The following CLDN11 variants were observed in gnomAD, a reference collection of about 807,000 sequenced individuals.
CLDN11 encodes claudin 11, also known as claudin-11.
Under a neutral mutation model 18.0 loss-of-function variants are expected in CLDN11, and 1 was observed. The observed-to-expected ratio is 0.06, with a 90% CI of 0.02 to 0.26. The LOEUF (loss-of-function observed/expected upper bound fraction) is 0.26, where lower values mean the gene tolerates loss of function less well. CLDN11 is among the 10% of genes least tolerant of loss of function. The probability of loss-of-function intolerance (pLI) is 1.00; values close to 1 mark genes in which losing one functional copy is unlikely to be tolerated. For synonymous variants in CLDN11, 116 were observed against 121.5 expected (o/e 0.96, Z 0.30); for missense variants, 172 against 276.6 (o/e 0.62, Z 2.68).
chr3:170,432,799 C>A lies in CLDN11; in HGVS notation c.*43C>A. The A allele has an allele frequency of 6.3e-7, 1 of 1,578,864 alleles. No homozygotes were observed. Among genetic ancestry groups the A allele is most frequent in the Non-Finnish European group, 8.7e-7 (1 of 1,148,082 alleles). On this transcript the variant is annotated 3_prime_UTR_variant, in exon 3 of 3. Coordinates refer to ENST00000064724, the MANE Select transcript of CLDN11 (RefSeq NM_005602.6). ...CCACAGAGGTGCTGTAGATGCTGGG[C>A]CCAGGGCCCTAGGTTTGCTCGTCAC... is the stretch of plus-strand genomic sequence containing the variant.
intron 2 of CLDN11, 130 bp from the exon 3 acceptor site, chr3:170,432,394 G>T: frequency 6.7e-7 from 1 of 1,486,292 alleles, no homozygotes; most frequent in South Asian, 1.3e-5. Flanking sequence ...TGAGGGAGCA[G>T]AACTGTGTGT....
chr3:170,421,639 A>G (rs1738727683), intron 1 of CLDN11, among the ~76,000 whole-genome samples: 1 of 152,186 alleles, frequency 6.6e-6, no homozygotes, highest in African/African-American at 2.4e-5. Context: ...TGCCTCACCC[A>G]GGCCACTAGT....
Position 170,432,915 on chromosome 3 carries a change from C to A in CLDN11, c.*159C>A. The A allele has an allele frequency of 1.5e-6, 1 of 646,328 alleles. No homozygotes were observed. Among genetic ancestry groups the A allele is most frequent in the Non-Finnish European group, 2.7e-6 (1 of 375,598 alleles). 40.0% of individuals were successfully genotyped at this position (646,328 alleles called of 1,614,324 possible). On this transcript the variant is annotated 3_prime_UTR_variant, in exon 3 of 3. Coordinates refer to ENST00000064724, the MANE Select transcript of CLDN11 (RefSeq NM_005602.6). ...GCATTTTGTAGTCTTAACTTCTCCC[C>A]ATTTCCCCCATCTTTTGGTTGCCTT...
intron 2 of CLDN11, chr3:170,423,543 A>G (rs1271167627): frequency 3.7e-6 from 2 of 543,992 alleles, no homozygotes; most frequent in Non-Finnish European, 6.5e-6. Flanking sequence ...CCATGAAGAT[A>G]AGTTTAAAAA....
Position 170,433,382 on chromosome 3 carries a change from C to T in CLDN11, c.*626C>T, listed in dbSNP as rs1739058227. 1 of 152,070 alleles carries T rather than the reference C, an allele frequency of 6.6e-6. No individual in the cohort carries two copies. Among genetic ancestry groups the T allele is most frequent in the Non-Finnish European group, 1.5e-5 (1 of 68,110 alleles). 9.4% of individuals were successfully genotyped at this position (152,070 alleles called of 1,614,324 possible). On this transcript the variant is annotated 3_prime_UTR_variant, in exon 3 of 3. Transcript: ENST00000064724. ...TCTCGAACTCCTGGACTCAAAGTATCCTCCCGCCTCGGCCTCCCAAAGTGT... is the reference window on the plus strand; with the variant it reads ...TCTCGAACTCCTGGACTCAAAGTATTCTCCCGCCTCGGCCTCCCAAAGTGT...
At chr3:170,429,664 A>G (rs1738948767) in intron 2 of CLDN11, among the ~76,000 whole-genome samples, 1 of 152,142 alleles carries the variant, frequency 6.6e-6, no homozygotes, top group Admixed American at 6.5e-5. Context: ...CAAAACCAAG[A>G]CTGATGGTTA....
intron 1 of CLDN11, among the ~76,000 whole-genome samples, chr3:170,420,053 A>G (rs1738686881): frequency 6.6e-6 from 1 of 152,304 alleles, no homozygotes; most frequent in African/African-American, 2.4e-5. Flanking sequence ...CACTGGGGAG[A>G]TACGGAGCGC....
chr3:170,425,147 C>G (rs965509251), intron 2 of CLDN11, among the ~76,000 whole-genome samples: 7 of 152,140 alleles, frequency 4.6e-5, no homozygotes. Flanking sequence ...GACTCCCTTT[C>G]CAACAGGAAA....
At chr3:170,421,380 G>GT (rs1738721178) in intron 1 of CLDN11, 2 of 777,274 alleles carry the variant, frequency 2.6e-6, no homozygotes, top group Non-Finnish European at 3.1e-6. Context: ...GGACGGCTGG[G>GT]TCAGGGGATG....
rs1477238600 is a variant in CLDN11 at position 170,419,093 on chromosome 3, G to A, written c.27G>A (p.Val9=). Residue 9 remains valine, a synonymous_variant, in exon 1 of 3, where the codon GTG becomes GTA. Transcript: ENST00000064724. The surrounding 1 kb of genome is among the most constrained non-coding windows in gnomAD (Gnocchi z 8.6). ...TGGTGGCCACGTGCCTGCAGGTGGTGGGCTTCGTCACGAGCTTCGTGGGCT... is the reference window on the plus strand; with the variant it reads ...TGGTGGCCACGTGCCTGCAGGTGGTAGGCTTCGTCACGAGCTTCGTGGGCT... MVATCLQV[V]GFVTSFVGWI... The A allele has an allele frequency of 1.3e-6, 2 of 1,551,042 alleles. No individual in the cohort carries two copies. The highest frequency in any genetic ancestry group is 1.7e-6 in the Non-Finnish European group (2 of 1,147,008).
At position 170,428,051 on chromosome 3, in the gene CLDN11, G is replaced by A. The variant is rs145654004; in HGVS notation, c.392-4473G>A. ...GTGCACCTGTGATTCCAGCTACTTG[G>A]GAGGCTGAGGATTGATGCTCGGGAG... On this transcript the variant is annotated intron_variant, in intron 2 of 2. Coordinates refer to ENST00000064724, the MANE Select transcript of CLDN11 (RefSeq NM_005602.6). Among the ~76,000 whole-genome samples the A allele has an allele frequency of 3.2e-3, 489 of 151,666 alleles. 4 individuals are homozygous for A. The highest frequency in any genetic ancestry group is 0.011 in the African/African-American group (464 of 41,296).
intron 2 of CLDN11, 149 bp from the exon 3 acceptor site, chr3:170,432,375 G>C: frequency 7.2e-7 from 1 of 1,385,880 alleles, no homozygotes; most frequent in Non-Finnish European, 9.6e-7. Flanking sequence ...CTACATATTG[G>C]TTCAGTGTTG....
intron 2 of CLDN11, among the ~76,000 whole-genome samples, chr3:170,431,190 C>A (rs535134163): frequency 6.6e-6 from 1 of 152,188 alleles, no homozygotes; most frequent in South Asian, 2.1e-4. Context: ...AGTTATATTT[C>A]TTCTCTGTGG....
chr3:170,421,929 C>T (rs879821886), intron 1 of CLDN11, among the ~76,000 whole-genome samples: 2 of 152,134 alleles, frequency 1.3e-5, no homozygotes, highest in African/African-American at 2.4e-5. Context: ...TTCCTTGATT[C>T]GCAATTGTTT....
chr3:170,423,456 C>A, intron 2 of CLDN11, 129 bp downstream of exon 2: 1 of 899,902 alleles, frequency 1.1e-6, no homozygotes, highest in Non-Finnish European at 1.7e-6. Context: ...GGGGGATGGA[C>A]TCCCACAATC....
chr3:170,420,434 C>T (rs1242343132), intron 1 of CLDN11, among the ~76,000 whole-genome samples: 3 of 152,210 alleles, frequency 2.0e-5, no homozygotes, highest in African/African-American at 7.2e-5. Context: ...TAAGCCTCCT[C>T]CAAGCACGCC....
In CLDN11 at chr3:170,419,147, C is replaced by T; in HGVS notation, c.81C>T (p.Thr27=). The T allele has an allele frequency of 6.4e-7, 1 of 1,552,640 alleles. No homozygotes were observed. The highest frequency in any genetic ancestry group is 8.7e-7 in the Non-Finnish European group (1 of 1,147,798). The stretch of plus-strand genomic sequence containing the variant: ...TCGGGGTCATCGTGACCACCTCCAC[C>T]AATGACTGGGTGGTGACCTGCGGCT... ...GWIGVIVTTS[T]NDWVVTCGYT... The change falls in exon 1 of 3, where the codon ACC becomes ACT. Residue 27 remains threonine (T), a synonymous_variant. Transcript: ENST00000064724. This position sits in a 1 kb window ranked among gnomAD's most constrained non-coding sequence, Gnocchi z 8.6.
chr3:170,429,150 C>A (rs1738939887), intron 2 of CLDN11, among the ~76,000 whole-genome samples: 1 of 152,122 alleles, frequency 6.6e-6, no homozygotes, highest in Non-Finnish European at 1.5e-5. Context: ...AGTAAATTCT[C>A]CTTTTTTAGT....
rs1023871184 is a variant in CLDN11 at position 170,433,079 on chromosome 3, T to C, written c.*323T>C. 1 of 154,706 alleles carries C rather than the reference T, an allele frequency of 6.5e-6. No individual in the cohort carries two copies. Among genetic ancestry groups the C allele is most frequent in the African/African-American group, 2.4e-5 (1 of 41,006 alleles). The allele number at this position is 154,706 out of a possible 1,614,324, so 9.6% of individuals were successfully genotyped here. A position where few individuals can be genotyped will look rare whatever the true frequency, so the allele number is the denominator to read the frequency against. ...TTTTGTTTCTTTAAATTTCAAATGT[T>C]TTGCAAACATCACTGAGTTAGGTGG... On this transcript the variant is annotated 3_prime_UTR_variant, in exon 3 of 3. Coordinates refer to ENST00000064724, the MANE Select transcript of CLDN11 (RefSeq NM_005602.6).
Sources: allele counts gnomAD v4.1 joint callset (sites outside exome capture counted in the v4.1 genomes callset), GRCh38; gene constraint gnomAD v4.1.1; non-coding constraint Gnocchi (gnomAD v3.1); transcripts MANE v1.5; gene names NCBI Gene and HGNC (gene_info 2026-07-23, HGNC 2026-07-21).